Variants in WDR33 observed in about 807,000 individuals in gnomAD.
WDR33 encodes the protein WD repeat domain 33, also known as pre-mRNA 3' end processing protein WDR33.
A neutral mutation model predicts 164.9 loss-of-function variants in WDR33; 47 were observed. That is an observed-to-expected ratio of 0.29 (90% CI 0.23 to 0.36). The LOEUF (loss-of-function observed/expected upper bound fraction) is 0.36, where lower values mean the gene tolerates loss of function less well. WDR33 is among the 10% of genes least tolerant of loss of function. The probability of loss-of-function intolerance (pLI) is 1.00; values close to 1 mark genes in which losing one functional copy is unlikely to be tolerated. For missense variants in WDR33, 1,137 were observed against 1,754.1 expected (o/e 0.65, Z 6.28); for synonymous variants, 505 against 589.0 (o/e 0.86, Z 2.06).
At position 127,735,659 on chromosome 2, in the gene WDR33, G is replaced by A. The variant is rs1644109507; in HGVS notation, c.725-8882C>T. On this transcript the variant is annotated intron_variant, in intron 7 of 21. Coordinates refer to ENST00000322313, the MANE Select transcript of WDR33 (RefSeq NM_018383.5). The surrounding 1 kb of genome is among the most constrained non-coding windows in gnomAD (Gnocchi z 4.3). The stretch of plus-strand genomic sequence containing the variant: ...ACTTCTAGCCACAAGAACATAAAAT[G>A]TAACAGATCAGTTTAAGACAAAGGG... 3.0e-6 allele frequency: 3 copies of A among 985,790 alleles called. No individual in the cohort carries two copies. The highest frequency in any genetic ancestry group is 3.6e-6 in the Non-Finnish European group (3 of 829,910). The allele number at this position is 985,790 out of a possible 1,614,324, so 61.1% of individuals were successfully genotyped here.
intron 18 of WDR33, among the ~76,000 whole-genome samples, chr2:127,711,146 C>G (rs151231346): frequency 6.6e-6 from 1 of 152,152 alleles, no homozygotes; most frequent in Non-Finnish European, 1.5e-5. Context: ...ACAGGATGGC[C>G]GGGCACAGTG....
rs1686471374 is a variant in WDR33 at position 127,722,784 on chromosome 2, TG to T, written c.1379-55del. 8 of 1,580,558 alleles carry T rather than the reference TG, an allele frequency of 5.1e-6. No individual in the cohort carries two copies. Among genetic ancestry groups the T allele is most frequent in the Middle Eastern group, 1.7e-4 (1 of 5,832 alleles). On this transcript the variant is annotated intron_variant, in intron 13 of 21. Coordinates refer to ENST00000322313, the MANE Select transcript of WDR33 (RefSeq NM_018383.5). This position sits in a 1 kb window ranked among gnomAD's most constrained non-coding sequence, Gnocchi z 5.1. The stretch of plus-strand genomic sequence containing the variant: ...TCTTAAATAAAAGAAATTGGCCACT[TG>T]ATCAATGAACACATTATTGGAAGAA...
In WDR33 at chr2:127,726,209, C is replaced by G. The variant is rs767386005; in HGVS notation, c.851+442G>C. On this transcript the variant is annotated intron_variant, in intron 8 of 21. Transcript: ENST00000322313. The surrounding 1 kb of genome is among the most constrained non-coding windows in gnomAD (Gnocchi z 4.8). ...AGAAAACTAGATTACATAGCTGCAT[C>G]GTAAGTAAGCCCATCAGACAAAAAA... 6.6e-6 allele frequency among the ~76,000 whole-genome samples: 1 copy of G among 152,162 alleles called. No individual in the cohort carries two copies. The highest frequency in any genetic ancestry group is 2.1e-4 in the South Asian group (1 of 4,826).
Position 127,709,812 on chromosome 2 carries a change from G to A in WDR33, c.3353C>T (p.Pro1118Leu), listed in dbSNP as rs758490784. ...APPRHEGRAPPRGRDGFPGPE... is the reference protein window; with the variant it reads ...APPRHEGRAPLRGRDGFPGPE... ...ACCAGGAAAACCATCCCTTCCTCTG[G>A]GGGGAGCACGGCCCTCATGCCTCGG... is the stretch of plus-strand genomic sequence containing the variant. Residue 1118 changes from proline to leucine, a missense_variant, in exon 19 of 22, where the codon CCC becomes CTC. Around this residue, in one of 9 missense-constraint regions of WDR33, gnomAD observed 867 missense variants for 1,073.0 expected, o/e 0.81. Coordinates refer to ENST00000322313, the MANE Select transcript of WDR33 (RefSeq NM_018383.5). This position sits in a 1 kb window ranked among gnomAD's most constrained non-coding sequence, Gnocchi z 5.0. The A allele has an allele frequency of 5.6e-6, 9 of 1,614,128 alleles. No homozygotes were observed. Among genetic ancestry groups the A allele is most frequent in the African/African-American group, 1.3e-5 (1 of 74,998 alleles).
intron 1 of WDR33, among the ~76,000 whole-genome samples, chr2:127,792,282 C>T (rs1352577154): frequency 1.3e-5 from 2 of 152,022 alleles, no homozygotes; most frequent in Non-Finnish European, 2.9e-5. Flanking sequence ...TCTGACCTCA[C>T]TTTGAGAACT....
chr2:127,771,028 C>T, intron 1 of WDR33, 24 bp from the exon 2 acceptor site: 1 of 1,576,128 alleles, frequency 6.3e-7, no homozygotes. Context: ...AAAGTACTTT[C>T]ACTACAAATA....
intron 7 of WDR33, among the ~76,000 whole-genome samples, chr2:127,746,041 T>TAA (rs59854828): frequency 0.13 from 12,880 of 99,598 alleles, 750 homozygotes; most frequent in Middle Eastern, 0.21. Flanking sequence ...ATAAAATAAT[T>TAA]AAAAAAAAAA....
chr2:127,778,933 CAACT>C (rs1334751636), intron 1 of WDR33, among the ~76,000 whole-genome samples: 1 of 152,126 alleles, frequency 6.6e-6, no homozygotes, highest in African/African-American at 2.4e-5. Flanking sequence ...AGCTAGCACT[CAACT>C]AATTCCTCAG....
chr2:127,757,684 G>C (rs1408131771), intron 7 of WDR33, among the ~76,000 whole-genome samples: 1 of 151,990 alleles, frequency 6.6e-6, no homozygotes, highest in African/African-American at 2.4e-5. Flanking sequence ...AGAATTCTGG[G>C]GAGTGTTTTG....
Position 127,713,602 on chromosome 2 carries a change from G to A in WDR33, c.3289C>T (p.Arg1097Ter), listed in dbSNP as rs1686229703. The A allele has an allele frequency of 3.7e-6, 6 of 1,614,130 alleles. No homozygotes were observed. Among genetic ancestry groups the A allele is most frequent in the South Asian group, 1.1e-5 (1 of 91,090 alleles). Residue 1097 changes from arginine to a stop codon, truncating the protein, a stop_gained, in exon 18 of 22, where the codon CGA (arginine) becomes TGA (stop). Coordinates refer to ENST00000322313, the MANE Select transcript of WDR33 (RefSeq NM_018383.5). LOFTEE classifies it high-confidence loss of function. This position sits in a 1 kb window ranked among gnomAD's most constrained non-coding sequence, Gnocchi z 6.2. Reference sequence around the variant, plus strand: ...TCCCACCTTTCTTCTCTGCGCCCTCGAAAACGTGGGTCCTCGGGATCCCGG... The same window carrying A: ...TCCCACCTTTCTTCTCTGCGCCCTCAAAAACGTGGGTCCTCGGGATCCCGG... ...FPRDPEDPRF[R>*]GRREESFRRG...
chr2:127,772,354 G>A (rs922599684), intron 1 of WDR33, among the ~76,000 whole-genome samples: 15 of 151,922 alleles, frequency 9.9e-5, no homozygotes, highest in East Asian at 1.9e-4. Context: ...CAGGAGAATC[G>A]TTTGAACCCG....
At position 127,763,663 on chromosome 2, in the gene WDR33, T is replaced by C. The variant is rs886827893; in HGVS notation, c.627-504A>G. 2.0e-6 allele frequency: 2 copies of C among 986,194 alleles called. No individual in the cohort carries two copies. The highest frequency in any genetic ancestry group is 2.4e-6 in the Non-Finnish European group (2 of 830,488). 61.1% of individuals were successfully genotyped at this position (986,194 alleles called of 1,614,324 possible). ...CTACATACAATGTTTCTCATCCATT[T>C]CAAAGGTCTGTAGAAAAGTTTCACA... On this transcript the variant is annotated intron_variant, in intron 6 of 21. Coordinates refer to ENST00000322313, the MANE Select transcript of WDR33 (RefSeq NM_018383.5). This position sits in a 1 kb window ranked among gnomAD's most constrained non-coding sequence, Gnocchi z 4.5.
rs928084781 is a variant in WDR33 at position 127,702,060 on chromosome 2, G to C, written c.*4263C>G. On this transcript the variant is annotated 3_prime_UTR_variant, in exon 22 of 22. Coordinates refer to ENST00000322313, the MANE Select transcript of WDR33 (RefSeq NM_018383.5). ...GGTGCTGGGCGCGGGCGCGCAGGTG[G>C]CCGCGCTGCTGGCCGCGCTGGTTGG... 1.3e-5 allele frequency: 16 copies of C among 1,209,862 alleles called. No homozygotes were observed. In the African/African-American group the frequency reaches 2.5e-4, roughly 19 times the overall value. The allele number at this position is 1,209,862 out of a possible 1,614,324, so 74.9% of individuals were successfully genotyped here. A position where few individuals can be genotyped will look rare whatever the true frequency, so the allele number is the denominator to read the frequency against.
rs187088836 is a variant in WDR33 at position 127,809,237 on chromosome 2, A to G, written c.-24+1775T>C. Among the ~76,000 whole-genome samples the G allele has an allele frequency of 5.1e-3, 774 of 152,198 alleles. 5 individuals are homozygous for G. Among genetic ancestry groups the G allele is most frequent in the Middle Eastern group, 0.01 (3 of 294 alleles). On this transcript the variant is annotated intron_variant, in intron 1 of 21. Transcript: ENST00000322313. Reference sequence around the variant, plus strand: ...TATATGAACTTATTACTTAGCAAAGAGAGCTCTGAATAAATACCTTAAGTG... The same window carrying G: ...TATATGAACTTATTACTTAGCAAAGGGAGCTCTGAATAAATACCTTAAGTG...
chr2:127,746,627 A>T (rs750902946), intron 7 of WDR33, among the ~76,000 whole-genome samples: 3 of 152,218 alleles, frequency 2.0e-5, no homozygotes, highest in Non-Finnish European at 4.4e-5. Flanking sequence ...CCAGTGGCAA[A>T]GCGGGGATTC....
rs570651272 is a variant in WDR33, at chr2:127,706,055, TAAAAA to T, written c.*263_*267del. On this transcript the variant is annotated 3_prime_UTR_variant, in exon 22 of 22. Transcript: ENST00000322313. The surrounding 1 kb of genome is among the most constrained non-coding windows in gnomAD (Gnocchi z 5.1). The stretch of plus-strand genomic sequence containing the variant: ...GAGATGCCCCATGTCTTGTGAGACT[TAAAAA>T]AAAGAAAAAGATCCCAGCTTTTATC... The T allele has an allele frequency of 4.5e-5, 17 of 376,948 alleles. No individual in the cohort carries two copies. The highest frequency in any genetic ancestry group is 1.7e-4 in the African/African-American group (8 of 48,146). The allele number at this position is 376,948 out of a possible 1,614,324, so 23.4% of individuals were successfully genotyped here.
chr2:127,737,819 C>G, intron 7 of WDR33: 8 of 1,354,946 alleles, frequency 5.9e-6, no homozygotes, highest in Non-Finnish European at 6.6e-6. Context: ...GGATACACTT[C>G]TTTTTAATTG....
At chr2:127,746,596 G>C (rs1161334775) in intron 7 of WDR33, among the ~76,000 whole-genome samples, 1 of 152,204 alleles carries the variant, frequency 6.6e-6, no homozygotes, top group Non-Finnish European at 1.5e-5. Context: ...GGAGAGGCAA[G>C]CTGAGAAAGA....
Position 127,764,496 on chromosome 2 carries a change from G to T in WDR33, c.626+332C>A, listed in dbSNP as rs1397622796. ...AATTAAAGACTGAATTCTTTATTTGGAATGAAATATTCTTGTCTTACACAG... is the reference window on the plus strand; with the variant it reads ...AATTAAAGACTGAATTCTTTATTTGTAATGAAATATTCTTGTCTTACACAG... On this transcript the variant is annotated intron_variant, in intron 6 of 21. Coordinates refer to ENST00000322313, the MANE Select transcript of WDR33 (RefSeq NM_018383.5). The surrounding 1 kb of genome is among the most constrained non-coding windows in gnomAD (Gnocchi z 6.2). The T allele has an allele frequency of 8.8e-6, 13 of 1,484,576 alleles. No individual in the cohort carries two copies. Among genetic ancestry groups the T allele is most frequent in the African/African-American group, 1.4e-5 (1 of 70,074 alleles). The allele number at this position is 1,484,576 out of a possible 1,614,324, so 92.0% of individuals were successfully genotyped here.
Sources: allele counts gnomAD v4.1 joint callset (sites outside exome capture counted in the v4.1 genomes callset), GRCh38; gene constraint gnomAD v4.1.1; regional missense constraint gnomAD v4.1.1; non-coding constraint Gnocchi (gnomAD v3.1); transcripts MANE v1.5; gene names NCBI Gene and HGNC (gene_info 2026-07-23, HGNC 2026-07-21).